The following CFAP52 variants were observed in gnomAD, a reference collection of about 807,000 sequenced individuals.
CFAP52 encodes cilia- and flagella-associated protein 52.
In CFAP52, 57 loss-of-function variants were observed where a neutral mutation model predicts 70.5. The ratio of observed to expected loss-of-function variants is 0.81; its 90% confidence interval spans 0.65 to 1.01. The LOEUF (loss-of-function observed/expected upper bound fraction) is 1.01, where lower values mean the gene tolerates loss of function less well. CFAP52 is among the 50% of genes least tolerant of loss of function. The pLI is 0.00. For synonymous variants in CFAP52, 267 were observed against 292.5 expected (o/e 0.91, Z 0.89); for missense variants, 785 against 788.5 (o/e 1.00, Z 0.05).
chr17:9,587,662 A>G (rs1413271823), intron 3 of CFAP52, among the ~76,000 whole-genome samples: 1 of 151,964 alleles, frequency 6.6e-6, no homozygotes, highest in Admixed American at 6.6e-5. Flanking sequence ...GGCTGCATGT[A>G]TGTCTTCTTT....
chr17:9,636,692 C>T (rs1298956386), intron 11 of CFAP52, among the ~76,000 whole-genome samples: 1 of 151,990 alleles, frequency 6.6e-6, no homozygotes, highest in South Asian at 2.1e-4. Context: ...GCACGCACGA[C>T]AAAGAACATG....
intron 8 of CFAP52, among the ~76,000 whole-genome samples, chr17:9,623,805 C>G (rs984048796): frequency 1.3e-5 from 2 of 152,154 alleles, no homozygotes; most frequent in Admixed American, 1.3e-4. Context: ...AAGTGTTCCT[C>G]CTGCCTCAGC....
In CFAP52 at chr17:9,630,997, AG is replaced by A. The variant is rs1412137999; in HGVS notation, c.1175-1890del. 4.1e-3 allele frequency among the ~76,000 whole-genome samples: 215 copies of A among 51,830 alleles called. 9 individuals carry two copies. The highest frequency in any genetic ancestry group is 0.029 in the African/African-American group (201 of 6,928). The allele number at this position is 51,830 out of a possible 152,430, so 34.0% of individuals were successfully genotyped here. On this transcript the variant is annotated intron_variant, in intron 9 of 13. Transcript: ENST00000352665. ...CCAGACTCCATCTCAAAAAAAAGAA[AG>A]AAAGAAAGAAAGAAAGAAAGAAAGA...
Position 9,598,331 on chromosome 17 carries a change from G to A in CFAP52, c.634G>A (p.Gly212Arg). The change falls in exon 5 of 14, where the codon GGA becomes AGA. Residue 212 changes from glycine (G) to arginine (R), a missense_variant and splice_region_variant. Transcript: ENST00000352665. ...GTTGAAAAGAATAGTCATGAGTATT[G>A]GAGTAAGTATTAATTTAAGTATTAA... ...GQLKRIVMSI[G>R]VDDDDSFFYL... 1 of 1,607,918 alleles carries A rather than the reference G, an allele frequency of 6.2e-7. No individual in the cohort carries two copies. Among genetic ancestry groups the A allele is most frequent in the Non-Finnish European group, 8.5e-7 (1 of 1,177,362 alleles).
intron 11 of CFAP52, among the ~76,000 whole-genome samples, chr17:9,636,986 A>C (rs1041400244): frequency 1.3e-5 from 2 of 152,184 alleles, no homozygotes. Flanking sequence ...CGGAGGTTGC[A>C]GTGAGCTGAG....
In CFAP52 at chr17:9,612,310, A is replaced by C. The variant is rs747787922; in HGVS notation, c.856A>C (p.Lys286Gln). Residue 286 changes from lysine (K) to glutamine (Q), a missense_variant and splice_region_variant, in exon 8 of 14, where the codon AAG becomes CAG. Coordinates refer to ENST00000352665, the MANE Select transcript of CFAP52 (RefSeq NM_145054.5). ...CKSPGYKPIK[K>Q]IQLQGGITSI... ...TTACTTTTGTGCTTCTCCCTAAAGG[A>C]AGATTCAGTTACAAGGCGGCATCAC... The C allele has an allele frequency of 6.2e-7, 1 of 1,613,916 alleles. No homozygotes were observed. The highest frequency in any genetic ancestry group is 8.5e-7 in the Non-Finnish European group (1 of 1,179,882).
chr17:9,598,922 C>T (rs1567625138), intron 5 of CFAP52, among the ~76,000 whole-genome samples: 1 of 152,040 alleles, frequency 6.6e-6, no homozygotes, highest in Non-Finnish European at 1.5e-5. Context: ...GCAATGCAGC[C>T]CGTGGCACTC....
intron 1 of CFAP52, among the ~76,000 whole-genome samples, chr17:9,581,173 C>T (rs1020127362): frequency 5.9e-5 from 9 of 152,208 alleles, no homozygotes; most frequent in Admixed American, 4.6e-4. Flanking sequence ...AAAAATTAGC[C>T]GGGCGCGGTG....
At chr17:9,577,824 G>A (rs1290757184) in intron 1 of CFAP52, among the ~76,000 whole-genome samples, 1 of 152,242 alleles carries the variant, frequency 6.6e-6, no homozygotes, top group Non-Finnish European at 1.5e-5. Context: ...GGGGGCAGTG[G>A]CTCATGCCTG....
chr17:9,645,508 C>G (rs1343570313), downstream of CFAP52: 27 of 960,874 alleles, frequency 2.8e-5, no homozygotes, highest in East Asian at 1.3e-3. This position sits in a 1 kb window ranked among gnomAD's most constrained non-coding sequence, Gnocchi z 6.8. Flanking sequence ...GCCTCCGCCC[C>G]GTCCCCGCAC....
chr17:9,627,967 C>T (rs1910302393), intron 8 of CFAP52, among the ~76,000 whole-genome samples: 1 of 152,096 alleles, frequency 6.6e-6, no homozygotes, highest in South Asian at 2.1e-4. Flanking sequence ...GGCCTCAAGT[C>T]ATGGGATCCT....
intron 11 of CFAP52, 25 bp downstream of exon 11, chr17:9,635,581 G>A (rs780366652): frequency 1.2e-6 from 2 of 1,613,856 alleles, no homozygotes; most frequent in South Asian, 2.2e-5. Flanking sequence ...TGGGGAGGAT[G>A]CAGTGATACC....
intron 1 of CFAP52, chr17:9,584,371 G>T: frequency 3.1e-6 from 4 of 1,282,318 alleles, no homozygotes; most frequent in Non-Finnish European, 4.1e-6. Context: ...CAGAGCACCT[G>T]GTGGGCACTC....
chr17:9,585,639 C>G (rs926978414), intron 1 of CFAP52, 134 bp from the exon 2 acceptor site: 6 of 903,800 alleles, frequency 6.6e-6, no homozygotes, highest in Admixed American at 1.9e-5. Flanking sequence ...ACCATTGCAC[C>G]CCAGGCTGGG....
At position 9,608,181 on chromosome 17, in the gene CFAP52, G is replaced by A. The variant is rs149961740; in HGVS notation, c.816G>A (p.Leu272=). The change falls in exon 7 of 14, where the codon CTG becomes CTA. Residue 272 remains leucine (L), a synonymous_variant. Coordinates refer to ENST00000352665, the MANE Select transcript of CFAP52 (RefSeq NM_145054.5). ...TGTTGGTGGGCTCTGGAGCCGGACT[G>A]CTGGTCTTCTGTAAAAGCCCTGGCT... ...GGLLVGSGAG[L]LVFCKSPGYK... 9.9e-5 allele frequency: 160 copies of A among 1,612,180 alleles called. No individual in the cohort carries two copies. Among genetic ancestry groups the A allele is most frequent in the Admixed American group, 1.5e-4 (9 of 59,966 alleles).
rs1909209394 is a variant in CFAP52, at chr17:9,600,242, C to CA, written c.753+59_753+60insA. On this transcript the variant is annotated intron_variant, in intron 6 of 13. Transcript: ENST00000352665. ...TTTCTCCCTTCACTGGCAGCATGTA[C>CA]TTTTTTTTTTCCTTTTTGAGATGCA... is the stretch of plus-strand genomic sequence containing the variant. The CA allele has an allele frequency of 4.6e-6, 6 of 1,311,814 alleles. No homozygotes were observed. In the Admixed American group the frequency reaches 9.3e-5, roughly 20 times the overall value. 81.3% of individuals were successfully genotyped at this position (1,311,814 alleles called of 1,614,324 possible).
chr17:9,633,945 T>A (rs529722820), intron 10 of CFAP52, among the ~76,000 whole-genome samples: 30 of 152,296 alleles, frequency 2.0e-4, no homozygotes, highest in African/African-American at 6.7e-4. Context: ...CCTCCCAAAG[T>A]GCTGGGATTA....
At position 9,615,638 on chromosome 17, in the gene CFAP52, G is replaced by C. The variant is rs113007203; in HGVS notation, c.1025+3159G>C. ...CTTGAATTGTTTTTTTTTCTTTTAG[G>C]ACATAAGGTCTTCCTCTGTCACCCA... On this transcript the variant is annotated intron_variant, in intron 8 of 13. Coordinates refer to ENST00000352665, the MANE Select transcript of CFAP52 (RefSeq NM_145054.5). Among the ~76,000 whole-genome samples, 1,412 of 150,838 alleles carry C rather than the reference G, an allele frequency of 9.4e-3. 10 individuals are homozygous for C. Among genetic ancestry groups the C allele is most frequent in the Non-Finnish European group, 0.013 (868 of 67,756 alleles).
chr17:9,614,162 T>C (rs1482034568), intron 8 of CFAP52, among the ~76,000 whole-genome samples: 78 of 146,228 alleles, frequency 5.3e-4, no homozygotes, highest in African/African-American at 1.6e-3. Context: ...TCTTTCTTTT[T>C]TTTTTTTTTT....
Sources: allele counts gnomAD v4.1 joint callset (sites outside exome capture counted in the v4.1 genomes callset), GRCh38; gene constraint gnomAD v4.1.1; non-coding constraint Gnocchi (gnomAD v3.1); transcripts MANE v1.5; gene names NCBI Gene and HGNC (gene_info 2026-07-23, HGNC 2026-07-21).